The following CFAP92 variants were observed in gnomAD, a reference collection of about 807,000 sequenced individuals.
The protein encoded by CFAP92 is cilia and flagella associated protein 92 (putative).
In CFAP92, 86 loss-of-function variants were observed where a neutral mutation model predicts 106.3. The ratio of observed to expected loss-of-function variants is 0.81; its 90% confidence interval spans 0.68 to 0.97. The LOEUF (loss-of-function observed/expected upper bound fraction) is 0.97. Ranked by LOEUF, CFAP92 falls within the 50% of genes least tolerant of loss-of-function variation. The pLI is 0.00. For synonymous variants in CFAP92, 477 were observed against 506.4 expected, an observed-to-expected ratio of 0.94 and a Z score of 0.78; for missense variants, 1,204 against 1,283.8, an observed-to-expected ratio of 0.94 and a Z score of 0.95.
Position 128,935,292 on chromosome 3 carries a change from G to A in CFAP92, c.2286C>T (p.Tyr762=). ...SWIPRSEHRK[Y]KVLYNSQLLF... is the part of the protein sequence containing the mutation. The stretch of plus-strand genomic sequence containing the variant: ...GCAGCTGTGAGTTGTACAGCACCTT[G>A]TATTTCCTGTGTTCTGACCTGGGAA... Residue 762 remains tyrosine (Y), a synonymous_variant, in exon 11 of 16, where the codon TAC becomes TAT. Coordinates refer to ENST00000645291, the MANE Select transcript of CFAP92 (RefSeq NM_001394090.1). 6.5e-7 allele frequency: 1 copy of A among 1,528,016 alleles called. No homozygotes were observed. Among genetic ancestry groups the A allele is most frequent in the Non-Finnish European group, 8.8e-7 (1 of 1,141,698 alleles). The allele number at this position is 1,528,016 out of a possible 1,614,324, so 94.7% of individuals were successfully genotyped here.
intron 8 of CFAP92, 72 bp downstream of exon 8, chr3:128,971,215 G>C (rs542559870): frequency 1.9e-5 from 30 of 1,608,484 alleles, no homozygotes; most frequent in Non-Finnish European, 2.5e-5. Context: ...TTGTCATTAG[G>C]AGCATCCGCT....
At chr3:128,944,122 G>T (rs1939964199) in intron 10 of CFAP92, among the ~76,000 whole-genome samples, 1 of 151,430 alleles carries the variant, frequency 6.6e-6, no homozygotes, top group African/African-American at 2.4e-5. Context: ...TAGTAACAAG[G>T]TATCACTATG....
At chr3:128,985,565 T>G (rs971042814) in intron 4 of CFAP92, among the ~76,000 whole-genome samples, 1 of 152,196 alleles carries the variant, frequency 6.6e-6, no homozygotes, top group East Asian at 1.9e-4. Context: ...TTTGCTACTA[T>G]GGCCCTTCCT....
At chr3:128,970,071 A>G (rs1015680881) in intron 8 of CFAP92, 1 of 152,524 alleles carries the variant, frequency 6.6e-6, no homozygotes, top group South Asian at 2.1e-4. Flanking sequence ...CCTGGGCAAC[A>G]TAGCAAGACC....
At chr3:128,977,372 A>T (rs1201394033) in intron 5 of CFAP92, among the ~76,000 whole-genome samples, 1 of 152,166 alleles carries the variant, frequency 6.6e-6, no homozygotes, top group Non-Finnish European at 1.5e-5. Flanking sequence ...AATAATGAAA[A>T]CAGTCCTAAG....
intron 13 of CFAP92, 62 bp downstream of exon 13, chr3:128,916,045 A>G (rs1936788979): frequency 8.6e-7 from 1 of 1,161,272 alleles, no homozygotes; most frequent in Non-Finnish European, 1.1e-6. Context: ...CCAGGCAGGC[A>G]TGGTCAGAAT....
intron 12 of CFAP92, among the ~76,000 whole-genome samples, chr3:128,925,420 C>T (rs1009300760): frequency 2.0e-5 from 3 of 152,132 alleles, no homozygotes; most frequent in African/African-American, 7.2e-5. Context: ...TCTAACAGGC[C>T]TCGAACTGCT....
chr3:128,933,578 T>C (rs1290241735), intron 11 of CFAP92, among the ~76,000 whole-genome samples: 1 of 152,228 alleles, frequency 6.6e-6, no homozygotes, highest in Non-Finnish European at 1.5e-5. Context: ...CACTGTGCGG[T>C]AGGTGCCTGC....
intron 15 of CFAP92, chr3:128,913,016 G>C (rs975752171): frequency 2.2e-6 from 1 of 459,172 alleles, no homozygotes; most frequent in Non-Finnish European, 4.3e-6. Flanking sequence ...TGAAAGCTCT[G>C]TCTGGGTCAT....
intron 9 of CFAP92, among the ~76,000 whole-genome samples, chr3:128,964,583 A>G (rs1942221332): frequency 6.6e-6 from 1 of 152,214 alleles, no homozygotes; most frequent in East Asian, 1.9e-4. Context: ...TGGCAGGACT[A>G]TGCTGAATCT....
At chr3:128,925,648 T>C (rs549601528) in intron 12 of CFAP92, among the ~76,000 whole-genome samples, 85 of 151,922 alleles carry the variant, frequency 5.6e-4, no homozygotes, top group African/African-American at 2.0e-3. Context: ...TGAAGAGAAA[T>C]ACTGTCCTAG....
Position 128,916,337 on chromosome 3 carries a change from G to C in CFAP92, c.2752-66C>G, listed in dbSNP as rs73210613. ...CCTCACCCCCCATGCCAGCTCATAT[G>C]CAGTGAGATGATCTCTGGGACTTAG... On this transcript the variant is annotated intron_variant, in intron 12 of 15. Coordinates refer to ENST00000645291, the MANE Select transcript of CFAP92 (RefSeq NM_001394090.1). 5.6e-3 allele frequency: 5,839 copies of C among 1,048,226 alleles called. 22 individuals carry two copies. Among genetic ancestry groups the C allele is most frequent in the Non-Finnish European group, 6.5e-3 (5,313 of 820,440 alleles). 64.9% of individuals were successfully genotyped at this position (1,048,226 alleles called of 1,614,324 possible). A position where few individuals can be genotyped will look rare whatever the true frequency, so the allele number is the denominator to read the frequency against.
At chr3:128,990,267 CAGG>C (rs1181655927) in intron 2 of CFAP92, among the ~76,000 whole-genome samples, 2 of 152,336 alleles carry the variant, frequency 1.3e-5, no homozygotes, top group East Asian at 3.9e-4. Context: ...GAGGCCCAGG[CAGG>C]AGGATGATCT....
chr3:129,003,316 A>T (rs1944887496), upstream of CFAP92: 41 of 982,734 alleles, frequency 4.2e-5, no homozygotes, highest in African/African-American at 8.7e-5. Context: ...ACTATGTGCC[A>T]GGTTTGTTTT....
At position 128,915,275 on chromosome 3, in the gene CFAP92, C is replaced by T. The variant is rs1228184947; in HGVS notation, c.3124G>A (p.Glu1042Lys). ...GCAAACAGGGAGTTTTCCTTCCACT[C>T]CTAAATTGGGGGAGTAAGTAAATCA... is the stretch of plus-strand genomic sequence containing the variant. ...KLPPIKELNE[E>K]WKENSLFANV... Residue 1042 changes from glutamate (E) to lysine (K), a missense_variant and splice_region_variant, in exon 15 of 16, where the codon GAG becomes AAG. By Grantham distance (56) the Glu-to-Lys change is moderately conservative (BLOSUM62 1). Transcript: ENST00000645291. The T allele has an allele frequency of 6.5e-7, 1 of 1,536,016 alleles. No individual in the cohort carries two copies. Among genetic ancestry groups the T allele is most frequent in the African/African-American group, 1.4e-5 (1 of 73,054 alleles).
chr3:128,980,609 T>C (rs1259095716), intron 4 of CFAP92, among the ~76,000 whole-genome samples: 3 of 152,188 alleles, frequency 2.0e-5, no homozygotes, highest in Non-Finnish European at 2.9e-5. Flanking sequence ...GCTTTCAAAA[T>C]TGGAGTCAAT....
chr3:128,952,121 TTTCTTC>T (rs200416763), intron 9 of CFAP92, among the ~76,000 whole-genome samples: 15 of 149,388 alleles, frequency 1.0e-4, no homozygotes, highest in African/African-American at 2.0e-4. Flanking sequence ...TTTTCTTTCT[TTTCTTC>T]TTCTTCTTCT....
chr3:129,004,869 G>T (rs1202622306), upstream of CFAP92, among the ~76,000 whole-genome samples: 1 of 152,078 alleles, frequency 6.6e-6, no homozygotes, highest in Non-Finnish European at 1.5e-5. Flanking sequence ...TTCAAATCTT[G>T]GCAGGGCTTT....
the CFAP92 span, among the ~76,000 whole-genome samples, chr3:129,013,931 A>G: frequency 6.6e-6 from 1 of 152,172 alleles, no homozygotes; most frequent in Non-Finnish European, 1.5e-5. Context: ...GTGACTAGGC[A>G]GGGGCAGGAG....
Sources: gnomAD v4.1 joint callset for allele counts (sites outside exome capture counted in the v4.1 genomes callset) on GRCh38, gnomAD v4.1.1 for gene constraint, MANE v1.5 for transcripts, NCBI Gene and HGNC (gene_info 2026-07-23, HGNC 2026-07-21) for gene names.